FGFR4: variants seen among roughly 807,000 people sequenced by gnomAD.
FGFR4 encodes hydroxyaryl-protein kinase.
Under a neutral mutation model 89.9 loss-of-function variants are expected in FGFR4, and 63 were observed. The ratio of observed to expected loss-of-function variants is 0.70; its 90% CI spans 0.57 to 0.86. FGFR4 has a LOEUF of 0.86. FGFR4 is among the 40% of genes least tolerant of loss of function. The probability of loss-of-function intolerance (pLI) is 0.00; values close to 1 mark genes in which losing one functional copy is unlikely to be tolerated. For missense variants in FGFR4, 928 were observed against 1,106.7 expected (o/e 0.84, Z 2.29); for synonymous variants, 486 against 479.4 (o/e 1.01, Z -0.18).
chr5:177,095,827 C>A lies in FGFR4; in HGVS notation c.1821+104C>A. 1 of 1,312,958 alleles carries A rather than the reference C, an allele frequency of 7.6e-7. No homozygotes were observed. Among genetic ancestry groups the A allele is most frequent in the Non-Finnish European group, 1.0e-6 (1 of 974,150 alleles). The allele number at this position is 1,312,958 out of a possible 1,614,324, so 81.3% of individuals were successfully genotyped here. ...TCTCCCTCTCTGCTCTTTTTCATGA[C>A]CCCACCTCAGTGTCCCCAGGCATTC... On this transcript the variant is annotated intron_variant, in intron 13 of 17. Coordinates refer to ENST00000292408, the MANE Select transcript of FGFR4 (RefSeq NM_213647.3). This position sits in a 1 kb window ranked among gnomAD's most constrained non-coding sequence, Gnocchi z 5.7.
rs143676828 is a variant in FGFR4 at position 177,097,405 on chromosome 5, C to T, written c.2259+8C>T. On this transcript the variant is annotated splice_region_variant and intron_variant, in intron 17 of 17. Coordinates refer to ENST00000292408, the MANE Select transcript of FGFR4 (RefSeq NM_213647.3). ...CTGGCCGTCTCTGAGGAGGTACAGC[C>T]CCTCCCACCCACCACCTCCCTCTGC... 2 of 1,608,908 alleles carry T rather than the reference C, an allele frequency of 1.2e-6. No homozygotes were observed. The highest frequency in any genetic ancestry group is 1.7e-6 in the Non-Finnish European group (2 of 1,177,158).
chr5:177,096,036 C>G (rs1381174809), intron 13 of FGFR4, 21 bp from the exon 14 acceptor site: 1 of 1,608,382 alleles, frequency 6.2e-7, no homozygotes, highest in Non-Finnish European at 8.5e-7. Flanking sequence ...CCTGAGGCAC[C>G]CAAGCCCCCG....
intron 1 of FGFR4, chr5:177,088,411 T>A (rs1245057991): frequency 5.1e-6 from 1 of 197,252 alleles, no homozygotes; most frequent in African/African-American, 2.3e-5. Flanking sequence ...AGGGAGAGGA[T>A]GTTTCCAGAG....
At chr5:177,090,144 G>GTGTA (rs1562065867) in intron 2 of FGFR4, 1 of 689,872 alleles carries the variant, frequency 1.4e-6, no homozygotes, top group South Asian at 1.5e-5. Context: ...GCGTGTGTGT[G>GTGTA]TGTGTGTGTG....
In FGFR4 at chr5:177,093,494, C is replaced by T. The variant is rs2149735898; in HGVS notation, c.1340C>T (p.Ala447Val). 2 of 1,613,960 alleles carry T rather than the reference C, an allele frequency of 1.2e-6. No homozygotes were observed. Among genetic ancestry groups the T allele is most frequent in the Non-Finnish European group, 1.7e-6 (2 of 1,180,030 alleles). ...TCCTCCAGCGGCCCCGCCTTGCTCG[C>T]CGGCCTCGTGAGTCTAGATCTACCT... ...RLSSSGPALL[A>V]GLVSLDLPLD... Residue 447 changes from alanine to valine, a missense_variant, in exon 10 of 18, where the codon GCC becomes GTC. Coordinates refer to ENST00000292408, the MANE Select transcript of FGFR4 (RefSeq NM_213647.3). This position sits in a 1 kb window ranked among gnomAD's most constrained non-coding sequence, Gnocchi z 5.8.
intron 11 of FGFR4, among the ~76,000 whole-genome samples, chr5:177,094,247 G>A (rs1320731208): frequency 6.6e-6 from 1 of 152,074 alleles, no homozygotes; most frequent in African/African-American, 2.4e-5. Flanking sequence ...ACCCTGGCAA[G>A]TGACTTCTGA....
chr5:177,090,878 A>G, intron 4 of FGFR4, 53 bp downstream of exon 4: 1 of 1,614,050 alleles, frequency 6.2e-7, no homozygotes, highest in South Asian at 1.1e-5. Flanking sequence ...CTGATCACTG[A>G]GAAGAGGAGG....
chr5:177,095,861 C>T lies in FGFR4; in HGVS notation c.1821+138C>T. On this transcript the variant is annotated intron_variant, in intron 13 of 17. Transcript: ENST00000292408. The surrounding 1 kb of genome is among the most constrained non-coding windows in gnomAD (Gnocchi z 5.7). Reference sequence around the variant, plus strand: ...AGTGTCCCCAGGCATTCACGCTTTCCTGCATTCCCCACTCGTTCCTCACCC... The same window carrying T: ...AGTGTCCCCAGGCATTCACGCTTTCTTGCATTCCCCACTCGTTCCTCACCC... The T allele has an allele frequency of 8.0e-7, 1 of 1,246,570 alleles. No homozygotes were observed. The highest frequency in any genetic ancestry group is 2.6e-5 in the East Asian group (1 of 39,140). The allele number at this position is 1,246,570 out of a possible 1,614,324, so 77.2% of individuals were successfully genotyped here. A position where few individuals can be genotyped will look rare whatever the true frequency, so the allele number is the denominator to read the frequency against.
At chr5:177,096,536 G>A in intron 15 of FGFR4, 68 bp from the exon 16 acceptor site, 3 of 1,587,852 alleles carry the variant, frequency 1.9e-6, no homozygotes, top group Non-Finnish European at 2.6e-6. Context: ...ATGTCTGTGG[G>A]GTCCCCCGTC....
rs746085347 is a variant in FGFR4, at chr5:177,091,017, T to C, written c.516T>C (p.Cys172=). The C allele has an allele frequency of 1.5e-5, 24 of 1,613,220 alleles. No individual in the cohort carries two copies. ...CGGGGAACACCGTCAAGTTCCGCTGTCCAGCTGCAGGCAACCCCACGCCCA... is the reference window on the plus strand; with the variant it reads ...CGGGGAACACCGTCAAGTTCCGCTGCCCAGCTGCAGGCAACCCCACGCCCA... ...VPAGNTVKFR[C]PAAGNPTPTI... The change falls in exon 5 of 18, where the codon TGT becomes TGC. Residue 172 remains cysteine, a synonymous_variant. Transcript: ENST00000292408.
chr5:177,089,670 A>C lies in FGFR4; in HGVS notation c.68A>C (p.Glu23Ala). ...SVPGPPVLSL[E>A]ASEEVELEPC... is the part of the protein sequence containing the mutation. Reference sequence around the variant, plus strand: ...CCTGGGCCTCCAGTCTTGTCCCTGGAGGCCTCTGAGGAAGTGGAGCTTGGT... The same window carrying C: ...CCTGGGCCTCCAGTCTTGTCCCTGGCGGCCTCTGAGGAAGTGGAGCTTGGT... The change falls in exon 2 of 18, where the codon GAG becomes GCG. Residue 23 changes from glutamate to alanine, a missense_variant. Coordinates refer to ENST00000292408, the MANE Select transcript of FGFR4 (RefSeq NM_213647.3). 1 of 1,613,690 alleles carries C rather than the reference A, an allele frequency of 6.2e-7. No homozygotes were observed. The highest frequency in any genetic ancestry group is 8.5e-7 in the Non-Finnish European group (1 of 1,179,928).
rs1391800198 is a variant in FGFR4, at chr5:177,096,162, T to C, written c.1927T>C (p.Tyr643His). The C allele has an allele frequency of 1.1e-5, 18 of 1,614,010 alleles. No homozygotes were observed. The highest frequency in any genetic ancestry group is 1.4e-5 in the Non-Finnish European group (17 of 1,179,958). The change falls in exon 14 of 18, where the codon TAT (tyrosine) becomes CAT (histidine). Residue 643 changes from tyrosine to histidine, a missense_variant. Around this residue, in one of 5 missense-constraint regions of FGFR4, gnomAD observed 20 missense variants for 17.3 expected, o/e 1.16. Transcript: ENST00000292408. ...LARGVHHIDY[Y>H]KKTSNGRLPV... is the part of the protein sequence containing the mutation. The stretch of plus-strand genomic sequence containing the variant: ...CCGCGGCGTCCACCACATTGACTAC[T>C]ATAAGAAAACCAGCAACGTGAGGGA...
At chr5:177,092,891 C>T (rs781080441) in intron 8 of FGFR4, 107 bp downstream of exon 8, 22 of 1,554,544 alleles carry the variant, frequency 1.4e-5, no homozygotes, top group Non-Finnish European at 1.8e-5. Flanking sequence ...GGGGTCTGGC[C>T]TGGGGGGCAG....
chr5:177,090,672 G>T lies in FGFR4; in HGVS notation c.355+19G>T. 6.5e-7 allele frequency: 1 copy of T among 1,534,288 alleles called. No homozygotes were observed. On this transcript the variant is annotated intron_variant, in intron 3 of 17. Coordinates refer to ENST00000292408, the MANE Select transcript of FGFR4 (RefSeq NM_213647.3). Reference sequence around the variant, plus strand: ...ACAGGTGGTAAGAGACTCTAGCAGGGAGTGAAGGGATGCCTGGGGAGACAG... The same window carrying T: ...ACAGGTGGTAAGAGACTCTAGCAGGTAGTGAAGGGATGCCTGGGGAGACAG...
rs983638031 is a variant in FGFR4 at position 177,095,899 on chromosome 5, G to A, written c.1822-158G>A. 6.6e-6 allele frequency among the ~76,000 whole-genome samples: 1 copy of A among 152,216 alleles called. No individual in the cohort carries two copies. Among genetic ancestry groups the A allele is most frequent in the African/African-American group, 2.4e-5 (1 of 41,454 alleles). ...TCGTTCCTCACCCTTCCCCAGAGGG[G>A]AGAGGGGACGCAGGAGAAGGCACTC... On this transcript the variant is annotated intron_variant, in intron 13 of 17. Transcript: ENST00000292408. This position sits in a 1 kb window ranked among gnomAD's most constrained non-coding sequence, Gnocchi z 5.7.
rs764374223 is a variant in FGFR4, at chr5:177,092,799, G to A, written c.1057+15G>A. On this transcript the variant is annotated intron_variant, in intron 8 of 17. Transcript: ENST00000292408. Reference sequence around the variant, plus strand: ...GGTGCTGCCAGGTGAGCACCTGAAGGGCCAGGAGATGCTGCGAGATGCCCC... The same window carrying A: ...GGTGCTGCCAGGTGAGCACCTGAAGAGCCAGGAGATGCTGCGAGATGCCCC... The A allele has an allele frequency of 1.9e-6, 3 of 1,614,198 alleles. No individual in the cohort carries two copies. Among genetic ancestry groups the A allele is most frequent in the Non-Finnish European group, 1.7e-6 (2 of 1,180,040 alleles).
At position 177,093,648 on chromosome 5, in the gene FGFR4, C is replaced by A. The variant is rs2149736161; in HGVS notation, c.1398-6C>A. On this transcript the variant is annotated splice_region_variant and splice_polypyrimidine_tract_variant and intron_variant, in intron 10 of 17. Coordinates refer to ENST00000292408, the MANE Select transcript of FGFR4 (RefSeq NM_213647.3). The surrounding 1 kb of genome is among the most constrained non-coding windows in gnomAD (Gnocchi z 5.8). ...AGGTCTGAGGCTGGACTTTCTCCAT[C>A]TCCAGGCTGGTGCTTGGGAAGCCCC... is the stretch of plus-strand genomic sequence containing the variant. 1 of 1,614,200 alleles carries A rather than the reference C, an allele frequency of 6.2e-7. No individual in the cohort carries two copies. The highest frequency in any genetic ancestry group is 8.5e-7 in the Non-Finnish European group (1 of 1,180,032).
chr5:177,087,492 A>T lies in FGFR4; in HGVS notation c.-54+415A>T, dbSNP rs1784192492. On this transcript the variant is annotated intron_variant, in intron 1 of 17. Transcript: ENST00000292408. The surrounding 1 kb of genome is among the most constrained non-coding windows in gnomAD (Gnocchi z 6.1). ...AGTCACTTAGTGCCCGGGGGCCTCC[A>T]GCGCGAGTGCGGGAGGCTGAAGGAG... 1.3e-6 allele frequency: 1 copy of T among 795,922 alleles called. No homozygotes were observed. The highest frequency in any genetic ancestry group is 6.2e-5 in the Admixed American group (1 of 16,044). The allele number at this position is 795,922 out of a possible 1,614,324, so 49.3% of individuals were successfully genotyped here.
At position 177,087,780 on chromosome 5, in the gene FGFR4, ACAG is replaced by A. The variant is rs45608536; in HGVS notation, c.-54+707_-54+709del. On this transcript the variant is annotated intron_variant, in intron 1 of 17. Transcript: ENST00000292408. This position sits in a 1 kb window ranked among gnomAD's most constrained non-coding sequence, Gnocchi z 6.1. ...ATTCGAGAGTTGAGGTGGGCCAGAG[ACAG>A]CAGTATCTGAGTCAGGTAGAGAAGA... 9,725 of 312,248 alleles carry A rather than the reference ACAG, an allele frequency of 0.031. 294 individuals carry two copies. Among genetic ancestry groups the A allele is most frequent in the African/African-American group, 0.087 (3,864 of 44,410 alleles). 19.3% of individuals were successfully genotyped at this position (312,248 alleles called of 1,614,324 possible). A position where few individuals can be genotyped will look rare whatever the true frequency, so the allele number is the denominator to read the frequency against.
Sources: gnomAD v4.1 joint callset for allele counts (sites outside exome capture counted in the v4.1 genomes callset) on GRCh38, gnomAD v4.1.1 for gene constraint, gnomAD v4.1.1 regional missense constraint, Gnocchi (gnomAD v3.1) non-coding constraint, MANE v1.5 for transcripts, NCBI Gene and HGNC (gene_info 2026-07-23, HGNC 2026-07-21) for gene names.